Variants in HOPX observed in about 807,000 individuals in gnomAD.
The protein encoded by HOPX is homeodomain-only protein.
Under a neutral mutation model 11.8 loss-of-function variants are expected in HOPX, and 5 were observed. The observed-to-expected ratio is 0.43, with a 90% CI of 0.22 to 0.89. HOPX has a LOEUF of 0.89. Ranked by LOEUF, HOPX falls within the 40% of genes least tolerant of loss-of-function variation. The pLI, the probability that HOPX is intolerant of heterozygous loss-of-function variation, is 0.28. For synonymous variants in HOPX, 49 were observed against 49.7 expected, an observed-to-expected ratio of 0.99 and a Z score of 0.06; for missense variants, 119 against 120.0, an observed-to-expected ratio of 0.99 and a Z score of 0.04.
At chr4:56,648,914 TC>T in intron 3 of HOPX, 117 bp from the exon 4 acceptor site, 1 of 728,706 alleles carries the variant, frequency 1.4e-6, no homozygotes, top group Non-Finnish European at 2.3e-6. Flanking sequence ...CAAGGAATGT[TC>T]CCATAGGGAT....
intron 1 of HOPX, chr4:56,676,383 A>C (rs964981545): frequency 6.6e-6 from 1 of 151,626 alleles, no homozygotes. Flanking sequence ...AAAATGTCCA[A>C]GTGACCTCTT....
At chr4:56,672,600 C>T (rs1340910409) in intron 1 of HOPX, 1 of 151,162 alleles carries the variant, frequency 6.6e-6, no homozygotes, top group Non-Finnish European at 1.5e-5. Context: ...CCACCCACTG[C>T]TAAATTTGAT....
intron 1 of HOPX, 21 bp from the exon 2 acceptor site, chr4:56,657,920 G>A: frequency 1.3e-6 from 2 of 1,547,166 alleles, no homozygotes; most frequent in South Asian, 2.4e-5. Flanking sequence ...AAATCAGGAG[G>A]GCAGTAGTCA....
intron 1 of HOPX, among the ~76,000 whole-genome samples, chr4:56,669,245 A>C (rs571774752): frequency 7.9e-5 from 12 of 152,056 alleles, no homozygotes; most frequent in African/African-American, 2.7e-4. Flanking sequence ...GATTTGCTGA[A>C]CACTTTGTGC....
In HOPX at chr4:56,673,724, G is replaced by A. The variant is rs990741792; in HGVS notation, c.-84+7531C>T. On this transcript the variant is annotated intron_variant, in intron 1 of 3. Coordinates refer to ENST00000420433, the MANE Select transcript of HOPX (RefSeq NM_032495.6). ...CCTTATAGATCTGATTTGAGTGTGT[G>A]TGTGTAGTCTCGCTCTGTCACCCAG... Among the ~76,000 whole-genome samples the A allele has an allele frequency of 2.6e-5, 4 of 152,078 alleles. No homozygotes were observed. The East Asian group carries it at 5.8e-4, about 22-fold the overall frequency.
At chr4:56,678,438 ATTTTTT>A (rs57921708) in intron 1 of HOPX, among the ~76,000 whole-genome samples, 338 of 100,266 alleles carry the variant, frequency 3.4e-3, no homozygotes, top group African/African-American at 0.011. Context: ...CTAGTCACTG[ATTTTTT>A]TTTTTTTTTT....
intron 1 of HOPX, among the ~76,000 whole-genome samples, chr4:56,673,040 C>A (rs1460225070): frequency 2.0e-5 from 3 of 152,176 alleles, no homozygotes. Flanking sequence ...AAACCTCTAG[C>A]CCACTCCTTT....
intron 1 of HOPX, among the ~76,000 whole-genome samples, chr4:56,674,749 A>T (rs1718913780): frequency 6.6e-6 from 1 of 151,180 alleles, no homozygotes; most frequent in East Asian, 1.9e-4. Context: ...CTTTTTATTT[A>T]TTTGTTTGTT....
At chr4:56,649,776 T>C (rs1578321491) in intron 3 of HOPX, 1 of 152,022 alleles carries the variant, frequency 6.6e-6, no homozygotes, top group Non-Finnish European at 1.5e-5. Flanking sequence ...CTAACCGGGG[T>C]GGTACAGAGC....
intron 1 of HOPX, among the ~76,000 whole-genome samples, chr4:56,674,117 T>C (rs764004066): frequency 6.6e-6 from 1 of 151,616 alleles, no homozygotes; most frequent in Non-Finnish European, 1.5e-5. Flanking sequence ...TTAATGAAAG[T>C]AGGGGTGGCC....
intron 3 of HOPX, among the ~76,000 whole-genome samples, chr4:56,655,124 G>C (rs1000490598): frequency 6.6e-6 from 1 of 152,178 alleles, no homozygotes; most frequent in Non-Finnish European, 1.5e-5. Context: ...TGCACTTAGG[G>C]GGACATCGGC....
In HOPX at chr4:56,657,791, C is replaced by A; in HGVS notation, c.26G>T (p.Arg9Ile). Residue 9 changes from arginine (R) to isoleucine (I), a missense_variant, in exon 2 of 4, where the codon AGA (arginine) becomes ATA (isoleucine). Physicochemically the swap from Arg to Ile is moderately conservative, Grantham distance 97. Transcript: ENST00000420433. ...GGAAATTACCTCTTCCAGTCTTCTT[C>A]TGTAACAGCCCAGGAAAATGAGCAT... MLIFLGCY[R>I]RRLEERAGTM... The A allele has an allele frequency of 1.5e-6, 2 of 1,340,444 alleles. No homozygotes were observed. The highest frequency in any genetic ancestry group is 2.1e-6 in the Non-Finnish European group (2 of 954,170). The allele number at this position is 1,340,444 out of a possible 1,614,324, so 83.0% of individuals were successfully genotyped here.
chr4:56,659,986 A>T (rs1426682475), intron 1 of HOPX, among the ~76,000 whole-genome samples: 1 of 152,226 alleles, frequency 6.6e-6, no homozygotes, highest in Non-Finnish European at 1.5e-5. Flanking sequence ...GAAAACAGAT[A>T]TTCTCCAATG....
chr4:56,665,021 A>C (rs898931670), intron 1 of HOPX: 1 of 152,270 alleles, frequency 6.6e-6, no homozygotes, highest in Non-Finnish European at 1.5e-5. Context: ...CAATGGCCCA[A>C]TCATGGCTCA....
At chr4:56,681,169 C>T in intron 1 of HOPX, 86 bp downstream of exon 1, 1 of 962,648 alleles carries the variant, frequency 1.0e-6, no homozygotes, top group Non-Finnish European at 1.2e-6. Flanking sequence ...AACAGATGAG[C>T]AAATACGGTA....
At chr4:56,669,181 A>T (rs1053224786) in intron 1 of HOPX, among the ~76,000 whole-genome samples, 2 of 152,182 alleles carry the variant, frequency 1.3e-5, no homozygotes, top group African/African-American at 4.8e-5. Flanking sequence ...CAGTTTGCTG[A>T]TGTCGCTGAC....
intron 1 of HOPX, among the ~76,000 whole-genome samples, chr4:56,660,145 G>C (rs1718025777): frequency 1.3e-5 from 2 of 152,160 alleles, no homozygotes; most frequent in Non-Finnish European, 1.5e-5. Flanking sequence ...AAATGACTTG[G>C]ATGCCAAAAG....
chr4:56,667,778 C>T (rs1444548618), intron 1 of HOPX, among the ~76,000 whole-genome samples: 1 of 152,050 alleles, frequency 6.6e-6, no homozygotes, highest in Admixed American at 6.6e-5. Flanking sequence ...TTTGCTAATC[C>T]CTAATAGCAG....
At chr4:56,650,741 A>G (rs1160512633) in intron 3 of HOPX, 2 of 1,551,580 alleles carry the variant, frequency 1.3e-6, no homozygotes, top group Middle Eastern at 1.7e-4. Flanking sequence ...GCAGACTATC[A>G]TGGGGGTAGC....
Sources: gnomAD v4.1 joint callset for allele counts (sites outside exome capture counted in the v4.1 genomes callset) on GRCh38, gnomAD v4.1.1 for gene constraint, MANE v1.5 for transcripts, NCBI Gene and HGNC (gene_info 2026-07-23, HGNC 2026-07-21) for gene names.